CDH11: variants seen among roughly 807,000 people sequenced by gnomAD.
CDH11 encodes cadherin 11, also known as cadherin-11.
Under a neutral mutation model 67.8 loss-of-function variants are expected in CDH11, and 11 were observed. The ratio of observed to expected loss-of-function variants is 0.16; its 90% confidence interval spans 0.10 to 0.27. CDH11 has a LOEUF of 0.27. Among genes scored for constraint, CDH11 ranks in the 10% least tolerant of loss-of-function variants. CDH11 has a pLI of 1.00. For missense variants in CDH11, 847 were observed against 1,031.2 expected, an observed-to-expected ratio of 0.82 and a Z score of 2.45; for synonymous variants, 419 against 400.0, an observed-to-expected ratio of 1.05 and a Z score of -0.57.
At chr16:65,066,396 A>G (rs2074313418) in intron 1 of CDH11, among the ~76,000 whole-genome samples, 1 of 152,230 alleles carries the variant, frequency 6.6e-6, no homozygotes, top group South Asian at 2.1e-4. Flanking sequence ...TTGAGCATCT[A>G]TTATGTGCCA....
chr16:64,962,418 G>T (rs940552523), intron 11 of CDH11, among the ~76,000 whole-genome samples: 1 of 152,042 alleles, frequency 6.6e-6, no homozygotes, highest in East Asian at 1.9e-4. Context: ...ACAGAGAATC[G>T]AACTTACTAG....
chr16:65,115,520 T>G (rs1473047172), intron 1 of CDH11, among the ~76,000 whole-genome samples: 1 of 152,124 alleles, frequency 6.6e-6, no homozygotes, highest in Admixed American at 6.5e-5. Context: ...AGGCTCATCG[T>G]GAGCTAGGCC....
Position 65,102,582 on chromosome 16 carries a change from C to G in CDH11, c.-298+19298G>C, listed in dbSNP as rs572492196. Among the ~76,000 whole-genome samples the G allele has an allele frequency of 4.6e-5, 7 of 152,320 alleles. No individual in the cohort carries two copies. In the Middle Eastern group the frequency reaches 0.017, roughly 370 times the overall value. On this transcript the variant is annotated intron_variant, in intron 1 of 12. Coordinates refer to ENST00000268603, the MANE Select transcript of CDH11 (RefSeq NM_001797.4). Reference sequence around the variant, plus strand: ...CATGATGCAAACAGAACCATAAACACCCTTGCATGTTGCGATTTTTGTCCT... The same window carrying G: ...CATGATGCAAACAGAACCATAAACAGCCTTGCATGTTGCGATTTTTGTCCT...
At chr16:65,113,097 C>A (rs1176518279) in intron 1 of CDH11, among the ~76,000 whole-genome samples, 1 of 152,006 alleles carries the variant, frequency 6.6e-6, no homozygotes, top group Non-Finnish European at 1.5e-5. Flanking sequence ...ATAAGCTTGA[C>A]CAACATAGTG....
At chr16:65,114,174 G>A (rs887355709) in intron 1 of CDH11, among the ~76,000 whole-genome samples, 4 of 152,128 alleles carry the variant, frequency 2.6e-5, no homozygotes, top group Non-Finnish European at 5.9e-5. Flanking sequence ...GCTGTCATCA[G>A]GACATTTAAG....
chr16:64,950,798 G>C lies in CDH11; in HGVS notation c.1863C>G (p.Ile621Met). ...GAATGACGATGCAGGCGAGGATGGC[G>C]ATCAGGGCGCCTGTGCTCAGGCCGG... ...LNAGLSTGALIAILACIVILL... is the reference protein window; with the variant it reads ...LNAGLSTGALMAILACIVILL... The change falls in exon 12 of 13, where the codon ATC (isoleucine) becomes ATG (methionine). Residue 621 changes from isoleucine to methionine, a missense_variant. Ile to Met is a conservative substitution (Grantham distance 10). Coordinates refer to ENST00000268603, the MANE Select transcript of CDH11 (RefSeq NM_001797.4). 2 of 1,614,090 alleles carry C rather than the reference G, an allele frequency of 1.2e-6. No homozygotes were observed. Among genetic ancestry groups the C allele is most frequent in the Non-Finnish European group, 1.7e-6 (2 of 1,179,986 alleles).
chr16:65,113,640 G>C (rs781367670), intron 1 of CDH11, among the ~76,000 whole-genome samples: 1 of 152,162 alleles, frequency 6.6e-6, no homozygotes, highest in Non-Finnish European at 1.5e-5. Context: ...AGTGGAAGCA[G>C]ATGGGAGTGA....
intron 2 of CDH11, among the ~76,000 whole-genome samples, chr16:65,031,351 G>A (rs1040283239): frequency 7.2e-5 from 11 of 152,080 alleles, no homozygotes; most frequent in African/African-American, 2.4e-4. Flanking sequence ...CTTGGTGGGA[G>A]GTAGCACAGA....
At chr16:64,989,510 T>C (rs1400855808) in intron 6 of CDH11, among the ~76,000 whole-genome samples, 1 of 152,154 alleles carries the variant, frequency 6.6e-6, no homozygotes, top group Non-Finnish European at 1.5e-5. Context: ...GGATAAAAAC[T>C]ACCAGCCAGG....
chr16:65,073,399 G>A (rs1337746697), intron 1 of CDH11, among the ~76,000 whole-genome samples: 1 of 152,112 alleles, frequency 6.6e-6, no homozygotes, highest in African/African-American at 2.4e-5. Context: ...TCATGCCTCA[G>A]CCTCCCGAGT....
chr16:65,012,139 G>A (rs1450733726), intron 2 of CDH11, among the ~76,000 whole-genome samples: 2 of 152,190 alleles, frequency 1.3e-5, no homozygotes, highest in Non-Finnish European at 2.9e-5. Context: ...ATGTACAAGA[G>A]CACAAAGGAA....
chr16:65,013,168 G>T (rs1012984570), intron 2 of CDH11, among the ~76,000 whole-genome samples: 3 of 152,216 alleles, frequency 2.0e-5, no homozygotes, highest in South Asian at 4.2e-4. Context: ...AGCTGGCAGG[G>T]ATGCTCTGTA....
chr16:65,037,491 C>T (rs576699253), intron 2 of CDH11, among the ~76,000 whole-genome samples: 2 of 152,166 alleles, frequency 1.3e-5, no homozygotes, highest in African/African-American at 2.4e-5. Flanking sequence ...GTTTAGGGAG[C>T]CTTCCTTTGT....
intron 7 of CDH11, chr16:64,987,521 C>G (rs1156391121): frequency 1.3e-5 from 2 of 152,106 alleles, no homozygotes. Flanking sequence ...GGTGCTGTGT[C>G]TGGCCAGTAG....
intron 1 of CDH11, among the ~76,000 whole-genome samples, chr16:65,096,560 A>C (rs949816602): frequency 6.6e-6 from 1 of 151,174 alleles, no homozygotes; most frequent in Non-Finnish European, 1.5e-5. Flanking sequence ...TGCCAAATAT[A>C]TATACACACA....
rs376269667 is a variant in CDH11, at chr16:64,947,595, C to G, written c.*8G>C. 307 of 1,598,906 alleles carry G rather than the reference C, an allele frequency of 1.9e-4. No individual in the cohort carries two copies. Among genetic ancestry groups the G allele is most frequent in the African/African-American group, 9.3e-4 (69 of 74,408 alleles). On this transcript the variant is annotated 3_prime_UTR_variant, in exon 13 of 13. Transcript: ENST00000268603. ...ACAGTTCTTAAGGCCAAATTTGTAT[C>G]GTTATTGTTAAGAATCGTCATCAAA...
At chr16:65,048,826 G>T (rs1018996073) in intron 2 of CDH11, among the ~76,000 whole-genome samples, 2 of 151,718 alleles carry the variant, frequency 1.3e-5, no homozygotes, top group African/African-American at 2.4e-5. Context: ...TGGCTGTATG[G>T]TATATCACGA....
intron 1 of CDH11, among the ~76,000 whole-genome samples, chr16:65,101,238 A>T (rs1451355443): frequency 2.0e-5 from 3 of 152,200 alleles, no homozygotes; most frequent in Non-Finnish European, 4.4e-5. Context: ...TTGCTGAGAC[A>T]AACCTTCCTT....
intron 11 of CDH11, among the ~76,000 whole-genome samples, chr16:64,958,455 T>A (rs1038110756): frequency 6.6e-6 from 1 of 152,224 alleles, no homozygotes; most frequent in Admixed American, 6.5e-5. Flanking sequence ...TTGATTGAAC[T>A]GCTAATATGG....
Sources: gnomAD v4.1 joint callset for allele counts (sites outside exome capture counted in the v4.1 genomes callset) on GRCh38, gnomAD v4.1.1 for gene constraint, MANE v1.5 for transcripts, NCBI Gene and HGNC (gene_info 2026-07-23, HGNC 2026-07-21) for gene names.